Variants in GPHN observed in about 807,000 individuals in gnomAD.
GPHN encodes the protein gephyrin.
Under a neutral mutation model 95.5 loss-of-function variants are expected in GPHN, and 17 were observed. The ratio of observed to expected loss-of-function variants is 0.18; its 90% CI spans 0.12 to 0.27. The LOEUF is 0.27. Ranked by LOEUF, GPHN falls within the 10% of genes least tolerant of loss-of-function variation. The pLI is 1.00. For synonymous variants in GPHN, 320 were observed against 322.5 expected, an observed-to-expected ratio of 0.99 and a Z score of 0.08; for missense variants, 660 against 978.1, an observed-to-expected ratio of 0.67 and a Z score of 4.34.
chr14:67,498,929 A>C, the GPHN span, among the ~76,000 whole-genome samples: 1 of 152,210 alleles, frequency 6.6e-6, no homozygotes, highest in Non-Finnish European at 1.5e-5. Context: ...TTGGCCTCCC[A>C]AAATGCTGGG....
intron 3 of GPHN, among the ~76,000 whole-genome samples, chr14:66,787,323 CCAAA>C (rs1196294215): frequency 8.5e-5 from 13 of 152,056 alleles, no homozygotes; most frequent in African/African-American, 2.4e-4. Context: ...GCAAAAACTG[CCAAA>C]CAAAGAAATA....
chr14:67,438,188 T>TC, the GPHN span, among the ~76,000 whole-genome samples: 6 of 152,248 alleles, frequency 3.9e-5, no homozygotes, highest in Middle Eastern at 6.8e-3. Context: ...ATCCCTAATC[T>TC]CCCCTGAGCC....
At chr14:66,963,497 G>A (rs905671541) in intron 8 of GPHN, among the ~76,000 whole-genome samples, 2 of 152,026 alleles carry the variant, frequency 1.3e-5, no homozygotes. Flanking sequence ...TATAAATGTT[G>A]TGATACTTTC....
the GPHN span, chr14:67,198,956 T>G: frequency 1.4e-6 from 1 of 702,404 alleles, no homozygotes. Flanking sequence ...TACCTCTAAC[T>G]CTTAATACAT....
At chr14:67,563,707 G>GT in the GPHN span, among the ~76,000 whole-genome samples, 1 of 143,060 alleles carries the variant, frequency 7.0e-6, no homozygotes, top group Non-Finnish European at 1.5e-5. Flanking sequence ...TGCTGGGATT[G>GT]TAAGTATGAG....
At chr14:67,374,767 GT>G in the GPHN span, 2 of 358,924 alleles carry the variant, frequency 5.6e-6, no homozygotes, top group East Asian at 4.2e-5. Context: ...AAAATACGGG[GT>G]TTTTTTGTTT....
At chr14:66,729,758 C>T (rs184014541) in intron 2 of GPHN, among the ~76,000 whole-genome samples, 2 of 152,150 alleles carry the variant, frequency 1.3e-5, no homozygotes, top group Admixed American at 1.3e-4. Context: ...GCAACAGTAG[C>T]AACAGTGAAG....
intron 20 of GPHN, among the ~76,000 whole-genome samples, chr14:67,167,967 C>A (rs745397923): frequency 5.9e-5 from 9 of 152,204 alleles, no homozygotes; most frequent in Non-Finnish European, 7.3e-5. Flanking sequence ...ACCTAGATTT[C>A]TTCTTGGAGT....
At chr14:66,679,022 G>A (rs1308980759) in intron 1 of GPHN, among the ~76,000 whole-genome samples, 1 of 152,150 alleles carries the variant, frequency 6.6e-6, no homozygotes, top group Non-Finnish European at 1.5e-5. Flanking sequence ...GGTGATTGGA[G>A]GCACATGGTG....
chr14:67,513,268 G>A, the GPHN span, among the ~76,000 whole-genome samples: 20 of 152,148 alleles, frequency 1.3e-4, no homozygotes, highest in Admixed American at 3.9e-4. Context: ...CAATAAAGCC[G>A]CTCCAGTGGG....
At chr14:67,549,699 G>C in the GPHN span, among the ~76,000 whole-genome samples, 1 of 152,172 alleles carries the variant, frequency 6.6e-6, no homozygotes, top group African/African-American at 2.4e-5. Flanking sequence ...GGTGCTGATG[G>C]GGCTACGGCT....
chr14:67,599,419 G>A, the GPHN span, among the ~76,000 whole-genome samples: 1 of 152,226 alleles, frequency 6.6e-6, no homozygotes, highest in Admixed American at 6.5e-5. Flanking sequence ...ATTGAGCACA[G>A]CTATCACACA....
rs868412807 is a variant in GPHN, at chr14:67,114,456, T to A, written c.1626+1285T>A. On this transcript the variant is annotated intron_variant, in intron 16 of 22. Transcript: ENST00000478722. The stretch of plus-strand genomic sequence containing the variant: ...CTGTAATCCCAGCATTTAGGGAGGC[T>A]GAAGCAGGGGGATCAATTGAGGCTA... 2.0e-5 allele frequency among the ~76,000 whole-genome samples: 3 copies of A among 152,276 alleles called. No homozygotes were observed. The Middle Eastern group carries it at 0.01, about 518-fold the overall frequency.
the GPHN span, among the ~76,000 whole-genome samples, chr14:67,316,213 T>C: frequency 6.6e-6 from 1 of 152,310 alleles, no homozygotes; most frequent in African/African-American, 2.4e-5. Context: ...AAAGAAAACC[T>C]CTTTCAAGGT....
chr14:66,668,290 C>T (rs545390603), intron 1 of GPHN, among the ~76,000 whole-genome samples: 298 of 152,144 alleles, frequency 2.0e-3, no homozygotes, highest in African/African-American at 6.7e-3. Flanking sequence ...GGGTATATAC[C>T]CAAAGGAATA....
At chr14:67,513,995 C>T in the GPHN span, among the ~76,000 whole-genome samples, 1 of 152,170 alleles carries the variant, frequency 6.6e-6, no homozygotes, top group Admixed American at 6.5e-5. Context: ...ATCCCTCTTC[C>T]TGGTACAGCA....
At chr14:67,251,278 A>G in the GPHN span, among the ~76,000 whole-genome samples, 1 of 152,198 alleles carries the variant, frequency 6.6e-6, no homozygotes, top group African/African-American at 2.4e-5. Context: ...TCATGCCTGA[A>G]ATCCCAGTAT....
intron 5 of GPHN, among the ~76,000 whole-genome samples, chr14:66,892,052 T>G (rs2064541135): frequency 6.6e-6 from 1 of 152,192 alleles, no homozygotes; most frequent in Non-Finnish European, 1.5e-5. Flanking sequence ...TATGGGAAAC[T>G]ATGGCATATC....
chr14:67,659,352 G>C, the GPHN span, among the ~76,000 whole-genome samples: 1 of 152,154 alleles, frequency 6.6e-6, no homozygotes, highest in South Asian at 2.1e-4. Context: ...CTGAGAAAGT[G>C]ATTCTAAAAT....
Sources: allele counts gnomAD v4.1 joint callset (sites outside exome capture counted in the v4.1 genomes callset), GRCh38; gene constraint gnomAD v4.1.1; transcripts MANE v1.5; gene names NCBI Gene and HGNC (gene_info 2026-07-23, HGNC 2026-07-21).